Variants in RUNX1 observed in about 807,000 individuals in gnomAD.
RUNX1 encodes the protein RUNX family transcription factor 1, also known as runt-related transcription factor 1.
In RUNX1, 19 loss-of-function variants were observed where a neutral mutation model predicts 42.8. The observed-to-expected ratio is 0.44, with a 90% CI of 0.31 to 0.65. The LOEUF (loss-of-function observed/expected upper bound fraction) is 0.65. RUNX1 is among the 30% of genes least tolerant of loss of function. RUNX1 has a pLI of 0.07. For missense variants in RUNX1, 528 were observed against 672.0 expected (o/e 0.79, Z 2.37); for synonymous variants, 271 against 289.4 (o/e 0.94, Z 0.64).
rs757570529 is a variant in RUNX1 at position 34,834,414 on chromosome 21, C to T, written c.801G>A (p.Met267Ile). 8.5e-5 allele frequency: 137 copies of T among 1,609,336 alleles called. No individual in the cohort carries two copies. The highest frequency in any genetic ancestry group is 1.1e-4 in the Non-Finnish European group (127 of 1,176,316). ...TGGGCTCCATCTGGTACTTACCCTG[C>T]ATCTGACTCTGAGGCTGAGGGTTAA... ...TAFNPQPQSQ[M>I]QDTRQIQPSP... Residue 267 changes from methionine to isoleucine, a missense_variant, in exon 7 of 9, where the codon ATG becomes ATA. Around this residue, in one of 3 missense-constraint regions of RUNX1, gnomAD observed 331 missense variants for 382.5 expected, o/e 0.87. Transcript: ENST00000675419.
intron 2 of RUNX1, among the ~76,000 whole-genome samples, chr21:34,893,333 CTT>C (rs760314353): frequency 7.9e-5 from 12 of 152,114 alleles, no homozygotes; most frequent in East Asian, 3.8e-4. Context: ...CAAACCCTAA[CTT>C]AACGCAAAAA....
chr21:34,973,211 C>G (rs986730708), intron 2 of RUNX1, among the ~76,000 whole-genome samples: 39 of 152,296 alleles, frequency 2.6e-4, no homozygotes, highest in African/African-American at 8.7e-4. Context: ...TATTCAGGCC[C>G]CTCACATCTC....
At chr21:34,918,579 C>A (rs2058329891) in intron 2 of RUNX1, among the ~76,000 whole-genome samples, 1 of 152,184 alleles carries the variant, frequency 6.6e-6, no homozygotes, top group Non-Finnish European at 1.5e-5. Flanking sequence ...GAGGCCTATA[C>A]TGTAAATCTT....
At position 34,798,185 on chromosome 21, in the gene RUNX1, A is replaced by C. The variant is rs569497299; in HGVS notation, c.967+1116T>G. 8.4e-5 allele frequency: 38 copies of C among 454,346 alleles called. No homozygotes were observed. The East Asian group carries it at 2.3e-3, about 27-fold the overall frequency. 28.1% of individuals were successfully genotyped at this position (454,346 alleles called of 1,614,324 possible). On this transcript the variant is annotated intron_variant, in intron 8 of 8. Coordinates refer to ENST00000675419, the MANE Select transcript of RUNX1 (RefSeq NM_001754.5). ...CCTAATCTGCTATAATTTGATCCCA[A>C]GAGCTGAAAAGCAAGACCCGCCCCG... is the stretch of plus-strand genomic sequence containing the variant.
intron 2 of RUNX1, among the ~76,000 whole-genome samples, chr21:34,906,157 C>T (rs929844855): frequency 1.3e-5 from 2 of 152,104 alleles, no homozygotes; most frequent in Non-Finnish European, 2.9e-5. Context: ...ATACTATTGG[C>T]TTTGTTGGTC....
chr21:34,989,699 T>C (rs1184451669), intron 2 of RUNX1, among the ~76,000 whole-genome samples: 1 of 152,196 alleles, frequency 6.6e-6, no homozygotes, highest in Non-Finnish European at 1.5e-5. Flanking sequence ...TTTGTTCTGG[T>C]AGAATTTAAA....
chr21:34,915,599 G>A (rs1328318534), intron 2 of RUNX1, among the ~76,000 whole-genome samples: 3 of 152,212 alleles, frequency 2.0e-5, no homozygotes, highest in Non-Finnish European at 2.9e-5. Context: ...CTATGCAAAT[G>A]TAAAATATTA....
intron 2 of RUNX1, among the ~76,000 whole-genome samples, chr21:34,996,293 A>G (rs977208327): frequency 6.6e-6 from 1 of 151,910 alleles, no homozygotes; most frequent in African/African-American, 2.4e-5. Flanking sequence ...CTAAGAGGGG[A>G]TGAGGAGGAG....
chr21:34,874,391 C>T lies in RUNX1; in HGVS notation c.508+6166G>A, dbSNP rs151337190. Among the ~76,000 whole-genome samples, 4 of 141,794 alleles carry T rather than the reference C, an allele frequency of 2.8e-5. No homozygotes were observed. In the East Asian group the frequency reaches 8.1e-4, roughly 29 times the overall value. The allele number at this position is 141,794 out of a possible 152,430, so 93.0% of individuals were successfully genotyped here. A position where few individuals can be genotyped will look rare whatever the true frequency, so the allele number is the denominator to read the frequency against. ...TTGGGAGGCCAAGGCAGGTGGACCA[C>T]CCGAGATCAGGAGTTCAAGACCAGC... On this transcript the variant is annotated intron_variant, in intron 5 of 8. Coordinates refer to ENST00000675419, the MANE Select transcript of RUNX1 (RefSeq NM_001754.5).
chr21:34,860,298 T>A (rs1569062495), intron 5 of RUNX1, among the ~76,000 whole-genome samples: 2 of 152,240 alleles, frequency 1.3e-5, no homozygotes, highest in African/African-American at 2.4e-5. Flanking sequence ...TGCATAGATT[T>A]ACTAATCTAA....
intron 2 of RUNX1, among the ~76,000 whole-genome samples, chr21:34,951,618 AT>A (rs1243841973): frequency 2.6e-5 from 4 of 152,234 alleles, no homozygotes; most frequent in Non-Finnish European, 4.4e-5. Context: ...CAACAGACAT[AT>A]GAAAAAATGC....
intron 6 of RUNX1, among the ~76,000 whole-genome samples, chr21:34,851,154 C>A (rs1373099223): frequency 6.6e-6 from 1 of 152,198 alleles, no homozygotes; most frequent in Non-Finnish European, 1.5e-5. Flanking sequence ...GGCAGGGCAG[C>A]CACTTACAGC....
intron 3 of RUNX1, chr21:34,888,521 A>G: frequency 9.4e-7 from 1 of 1,065,524 alleles, no homozygotes; most frequent in Non-Finnish European, 1.1e-6. Context: ...AAAACAACAA[A>G]AAAAGGAAGG....
At chr21:35,038,760 T>G (rs1387374545) in intron 2 of RUNX1, 2 of 455,852 alleles carry the variant, frequency 4.4e-6, no homozygotes, top group Non-Finnish European at 4.4e-6. Flanking sequence ...ATAGTTTGGG[T>G]TCCAATTTTT....
At chr21:34,948,918 G>T (rs986874791) in intron 2 of RUNX1, among the ~76,000 whole-genome samples, 33 of 151,964 alleles carry the variant, frequency 2.2e-4, no homozygotes, top group African/African-American at 7.0e-4. Flanking sequence ...GCTACTTTTT[G>T]TGTGTGTGTG....
chr21:34,830,058 G>A (rs756997304), intron 7 of RUNX1: 3 of 152,128 alleles, frequency 2.0e-5, no homozygotes, highest in Admixed American at 6.5e-5. Context: ...TAATTTTGGG[G>A]GAAAATAATT....
rs2056404568 is a variant in RUNX1, at chr21:34,789,109, T to C, written c.*3026A>G. ...TGGTTTGGACAGCAAGCAGATCCAA[T>C]ATGGTTGGCAATGTCTCTGTTCTGC... On this transcript the variant is annotated 3_prime_UTR_variant, in exon 9 of 9. Coordinates refer to ENST00000675419, the MANE Select transcript of RUNX1 (RefSeq NM_001754.5). 8.6e-6 allele frequency: 2 copies of C among 233,324 alleles called. No homozygotes were observed. The highest frequency in any genetic ancestry group is 1.2e-4 in the East Asian group (2 of 16,586). 14.5% of individuals were successfully genotyped at this position (233,324 alleles called of 1,614,324 possible).
chr21:34,840,758 C>T (rs1420171297), intron 6 of RUNX1, among the ~76,000 whole-genome samples: 4 of 152,142 alleles, frequency 2.6e-5, no homozygotes, highest in African/African-American at 4.8e-5. Context: ...CAGCTTTGCA[C>T]GAGGTGTCCT....
Position 34,788,127 on chromosome 21 carries a change from C to T in RUNX1, c.*4008G>A. The stretch of plus-strand genomic sequence containing the variant: ...GACAGTTCCCCTTTAAGAAGCATTC[C>T]ATACGTTTGTACCAGGGAGAAAGAA... On this transcript the variant is annotated 3_prime_UTR_variant, in exon 9 of 9. Transcript: ENST00000675419. 1 of 233,322 alleles carries T rather than the reference C, an allele frequency of 4.3e-6. No individual in the cohort carries two copies. Among genetic ancestry groups the T allele is most frequent in the East Asian group, 6.0e-5 (1 of 16,576 alleles). 14.5% of individuals were successfully genotyped at this position (233,322 alleles called of 1,614,324 possible).
Sources: allele counts gnomAD v4.1 joint callset (sites outside exome capture counted in the v4.1 genomes callset), GRCh38; gene constraint gnomAD v4.1.1; regional missense constraint gnomAD v4.1.1; transcripts MANE v1.5; gene names NCBI Gene and HGNC (gene_info 2026-07-23, HGNC 2026-07-21).